Variants in TBC1D5 observed in about 807,000 individuals in gnomAD.
TBC1D5 encodes the protein TBC1 domain family, member 5.
A neutral mutation model predicts 100.3 loss-of-function variants in TBC1D5; 75 were observed. The ratio of observed to expected loss-of-function variants is 0.75; its 90% CI spans 0.62 to 0.91. The LOEUF is 0.91. Ranked by LOEUF, TBC1D5 falls within the 40% of genes least tolerant of loss-of-function variation. The probability of loss-of-function intolerance (pLI) is 0.00; values close to 1 mark genes in which losing one functional copy is unlikely to be tolerated. For missense variants in TBC1D5, 910 were observed against 942.4 expected (o/e 0.97, Z 0.45); for synonymous variants, 323 against 325.6 (o/e 0.99, Z 0.09).
chr3:17,555,681 G>T (rs975791103), intron 2 of TBC1D5, among the ~76,000 whole-genome samples: 10 of 152,138 alleles, frequency 6.6e-5, no homozygotes, highest in African/African-American at 2.4e-4. Flanking sequence ...TGTTAAATAT[G>T]GGGTAAAATG....
chr3:17,269,313 C>T (rs1239519199), intron 15 of TBC1D5, among the ~76,000 whole-genome samples: 2 of 152,084 alleles, frequency 1.3e-5, no homozygotes, highest in African/African-American at 4.8e-5. Flanking sequence ...TTCTGAAGAG[C>T]CTACTCTTTC....
intron 2 of TBC1D5, among the ~76,000 whole-genome samples, chr3:17,583,253 C>T (rs1412424848): frequency 1.3e-5 from 2 of 151,966 alleles, no homozygotes; most frequent in African/African-American, 2.4e-5. Context: ...CCACTGCACT[C>T]TGGCCTGGGA....
In TBC1D5 at chr3:17,488,583, G is replaced by A. The variant is rs535708381; in HGVS notation, c.97+19891C>T. 7.2e-5 allele frequency among the ~76,000 whole-genome samples: 11 copies of A among 152,082 alleles called. No homozygotes were observed. The South Asian group carries it at 2.3e-3, about 32-fold the overall frequency. The stretch of plus-strand genomic sequence containing the variant: ...TCTTCCAAAGTGGCTGTAATATTTT[G>A]CATTCCCACCAGCAATAAATAAGAG... On this transcript the variant is annotated intron_variant, in intron 3 of 21. Coordinates refer to ENST00000253692, the Ensembl canonical transcript of TBC1D5.
At chr3:17,467,286 C>CTTTTTTTTTT (rs11299814) in intron 3 of TBC1D5, among the ~76,000 whole-genome samples, 8 of 121,244 alleles carry the variant, frequency 6.6e-5, no homozygotes, top group African/African-American at 2.5e-4. Context: ...GCCAGACCTT[C>CTTTTTTTTTT]TTTTTTTTTT....
chr3:17,450,555 T>C (rs1481140163), intron 3 of TBC1D5, among the ~76,000 whole-genome samples: 1 of 151,834 alleles, frequency 6.6e-6, no homozygotes, highest in African/African-American at 2.4e-5. Flanking sequence ...CCGATAGAGC[T>C]AAAAAACACA....
intron 2 of TBC1D5, among the ~76,000 whole-genome samples, chr3:17,557,486 C>T (rs902048383): frequency 6.6e-6 from 1 of 152,188 alleles, no homozygotes; most frequent in African/African-American, 2.4e-5. Context: ...ATTTTGCTTG[C>T]TTTCATTGCA....
At chr3:17,406,063 T>TA (rs1347018891) in intron 5 of TBC1D5, among the ~76,000 whole-genome samples, 1 of 152,016 alleles carries the variant, frequency 6.6e-6, no homozygotes, top group Non-Finnish European at 1.5e-5. Context: ...GATGGTTTGA[T>TA]ATAATAGGAA....
intron 1 of TBC1D5, among the ~76,000 whole-genome samples, chr3:17,673,190 C>T (rs966056087): frequency 2.6e-5 from 4 of 151,942 alleles, no homozygotes; most frequent in African/African-American, 9.7e-5. Flanking sequence ...AAACCAATTT[C>T]GGTATGGCAG....
chr3:17,654,545 T>C, intron 1 of TBC1D5, among the ~76,000 whole-genome samples: 1 of 152,230 alleles, frequency 6.6e-6, no homozygotes, highest in Non-Finnish European at 1.5e-5. Context: ...TTTGATGTGC[T>C]GCTGGATTCG....
intron 13 of TBC1D5, among the ~76,000 whole-genome samples, chr3:17,324,091 A>G (rs986896718): frequency 6.6e-6 from 1 of 152,208 alleles, no homozygotes; most frequent in Admixed American, 6.5e-5. Flanking sequence ...TTTTTCACAA[A>G]TGATGTTGGA....
chr3:17,208,837 T>A (rs2072579936), intron 18 of TBC1D5, among the ~76,000 whole-genome samples: 1 of 152,236 alleles, frequency 6.6e-6, no homozygotes, highest in Admixed American at 6.5e-5. Context: ...GTTATTCTCT[T>A]ACTCTGGTTC....
At chr3:17,471,572 T>G (rs2095372692) in intron 3 of TBC1D5, among the ~76,000 whole-genome samples, 1 of 137,548 alleles carries the variant, frequency 7.3e-6, no homozygotes, top group African/African-American at 3.0e-5. Context: ...AAAATCAAAA[T>G]AGGCAGGAGA....
intron 13 of TBC1D5, among the ~76,000 whole-genome samples, chr3:17,343,030 T>TC (rs2089249707): frequency 6.6e-6 from 1 of 152,168 alleles, no homozygotes; most frequent in Non-Finnish European, 1.5e-5. Flanking sequence ...AGAGAGGGCA[T>TC]CCCTGTCTTG....
intron 1 of TBC1D5, among the ~76,000 whole-genome samples, chr3:17,682,476 T>G (rs2069629782): frequency 6.6e-6 from 1 of 151,496 alleles, no homozygotes; most frequent in Non-Finnish European, 1.5e-5. Context: ...ATGCCTATGT[T>G]GGCTAACATA....
intron 2 of TBC1D5, among the ~76,000 whole-genome samples, chr3:17,605,299 T>A (rs2061267834): frequency 6.6e-6 from 1 of 152,096 alleles, no homozygotes. Context: ...AACCACACAA[T>A]TAAAACAAAC....
chr3:17,171,214 C>T (rs1461963802), intron 19 of TBC1D5, among the ~76,000 whole-genome samples: 1 of 151,986 alleles, frequency 6.6e-6, no homozygotes. Context: ...TTTAAGGAGG[C>T]ACCTAGAGCA....
At chr3:17,451,529 T>C (rs1343492851) in intron 3 of TBC1D5, among the ~76,000 whole-genome samples, 4 of 152,062 alleles carry the variant, frequency 2.6e-5, no homozygotes, top group Non-Finnish European at 4.4e-5. Context: ...TGTGGAGAAA[T>C]AGGAACATTT....
At chr3:17,394,834 C>G (rs7645518) in intron 8 of TBC1D5, among the ~76,000 whole-genome samples, 152,222 of 152,222 alleles carry the variant, frequency 1, 76,111 homozygotes, top group Non-Finnish European at 1. Context: ...AAAGCAAAAG[C>G]AAAGCCTGAA....
At chr3:17,676,985 T>A (rs2068732130) in intron 1 of TBC1D5, among the ~76,000 whole-genome samples, 1 of 152,062 alleles carries the variant, frequency 6.6e-6, no homozygotes, top group South Asian at 2.1e-4. Context: ...TCCTTACACC[T>A]TATACAAAAA....
Sources: allele counts gnomAD v4.1 joint callset (sites outside exome capture counted in the v4.1 genomes callset), GRCh38; gene constraint gnomAD v4.1.1; transcripts MANE v1.5; gene names NCBI Gene and HGNC (gene_info 2026-07-23, HGNC 2026-07-21).